Variants in FMN2 observed in about 807,000 individuals in gnomAD.
FMN2 encodes the protein formin-2.
In FMN2, 51 loss-of-function variants were observed where a neutral mutation model predicts 142.3. The ratio of observed to expected loss-of-function variants is 0.36; its 90% CI spans 0.29 to 0.45. The LOEUF (loss-of-function observed/expected upper bound fraction) is 0.45, where lower values mean the gene tolerates loss of function less well. FMN2 is among the 20% of genes least tolerant of loss of function. The pLI, the probability that FMN2 is intolerant of heterozygous loss-of-function variation, is 1.00. For missense variants in FMN2, 1,936 were observed against 2,122.8 expected (o/e 0.91, Z 1.73); for synonymous variants, 882 against 869.8 (o/e 1.01, Z -0.25).
At chr1:240,119,919 A>G (rs1485259090) in intron 1 of FMN2, among the ~76,000 whole-genome samples, 4 of 152,188 alleles carry the variant, frequency 2.6e-5, no homozygotes, top group Non-Finnish European at 5.9e-5. Context: ...GAATACAACA[A>G]TCTACTGTTA....
chr1:240,199,856 A>C (rs913750449), intron 4 of FMN2, among the ~76,000 whole-genome samples: 1 of 152,232 alleles, frequency 6.6e-6, no homozygotes, highest in Non-Finnish European at 1.5e-5. Flanking sequence ...GGTTCTGTAC[A>C]AAATTGCCAA....
At chr1:240,422,497 T>C (rs1278754496) in intron 15 of FMN2, among the ~76,000 whole-genome samples, 3 of 152,218 alleles carry the variant, frequency 2.0e-5, no homozygotes, top group African/African-American at 7.2e-5. Flanking sequence ...TAGTATTTTA[T>C]TTTTTGGTGA....
intron 8 of FMN2, among the ~76,000 whole-genome samples, chr1:240,312,176 A>G (rs1458094082): frequency 6.6e-6 from 1 of 151,972 alleles, no homozygotes. Flanking sequence ...CGTCCACTTT[A>G]CCATCTTGTA....
intron 8 of FMN2, among the ~76,000 whole-genome samples, chr1:240,318,442 GT>G (rs1363464403): frequency 1.6e-4 from 25 of 151,664 alleles, no homozygotes; most frequent in Non-Finnish European, 7.4e-5. Context: ...TCTGCTGGTG[GT>G]TCCAGGTTCT....
intron 2 of FMN2, among the ~76,000 whole-genome samples, chr1:240,168,126 T>C (rs1470624270): frequency 6.6e-6 from 1 of 152,182 alleles, no homozygotes; most frequent in Admixed American, 6.5e-5. Context: ...TTGTTTTTCT[T>C]ATCTTCCCCT....
At chr1:240,171,984 A>G (rs1463712719) in intron 2 of FMN2, among the ~76,000 whole-genome samples, 1 of 152,190 alleles carries the variant, frequency 6.6e-6, no homozygotes, top group Non-Finnish European at 1.5e-5. Context: ...AGTCATGAAA[A>G]TGCATCCCTG....
intron 2 of FMN2, among the ~76,000 whole-genome samples, chr1:240,174,223 G>T (rs1664821118): frequency 6.6e-6 from 1 of 152,222 alleles, no homozygotes; most frequent in East Asian, 1.9e-4. Flanking sequence ...TGGCTGCAAA[G>T]ATTTAAGATA....
chr1:240,286,450 C>A (rs1163972130), intron 7 of FMN2, among the ~76,000 whole-genome samples: 1 of 152,124 alleles, frequency 6.6e-6, no homozygotes, highest in Non-Finnish European at 1.5e-5. Flanking sequence ...CCTTGCTTTA[C>A]CCTCAGTTGG....
chr1:240,207,056 C>A lies in FMN2; in HGVS notation c.2244C>A (p.Pro748=), dbSNP rs750936446. The A allele has an allele frequency of 4.3e-6, 7 of 1,614,000 alleles. No individual in the cohort carries two copies. The highest frequency in any genetic ancestry group is 3.4e-6 in the Non-Finnish European group (4 of 1,180,002). ...AGGCGAAATCGATACAGACTTCCCC[C>A]ACGGAAGAGGGCGGGGTGCTGACAC... is the stretch of plus-strand genomic sequence containing the variant. The part of the protein sequence containing the change: ...ILEAKSIQTS[P]TEEGGVLTLP... The change falls in exon 5 of 18, where the codon CCC becomes CCA. Residue 748 remains proline (P), a synonymous_variant. Transcript: ENST00000319653.
intron 2 of FMN2, among the ~76,000 whole-genome samples, chr1:240,149,855 A>G (rs1376456978): frequency 2.0e-5 from 3 of 152,234 alleles, no homozygotes. Flanking sequence ...AAATTTTTGA[A>G]ATTAGAGAGT....
chr1:240,144,310 G>A (rs1275229775), intron 2 of FMN2: 2 of 1,607,532 alleles, frequency 1.2e-6, no homozygotes, highest in African/African-American at 1.3e-5. Context: ...CCCCAAACCT[G>A]TTGTTCTCTA....
chr1:240,180,124 T>G, intron 3 of FMN2: 1 of 1,236,378 alleles, frequency 8.1e-7, no homozygotes, highest in Non-Finnish European at 1.1e-6. Flanking sequence ...GCAAGTGATT[T>G]TTAATGAAAT....
intron 8 of FMN2, among the ~76,000 whole-genome samples, chr1:240,299,270 A>T (rs72766234): frequency 0.14 from 21,657 of 152,104 alleles, 1,990 homozygotes; most frequent in African/African-American, 0.25. Flanking sequence ...TTCCATATTG[A>T]ACAATATGGT....
chr1:240,313,354 C>A (rs1294040872), intron 8 of FMN2, among the ~76,000 whole-genome samples: 1 of 152,132 alleles, frequency 6.6e-6, no homozygotes, highest in Non-Finnish European at 1.5e-5. Flanking sequence ...TAACTTAAGT[C>A]ACCTAATGTC....
chr1:240,190,916 G>A (rs965202764), intron 4 of FMN2, among the ~76,000 whole-genome samples: 9 of 152,166 alleles, frequency 5.9e-5, no homozygotes, highest in African/African-American at 1.9e-4. Context: ...TTGTTATTAT[G>A]TAAAAAAAAT....
rs376334425 is a variant in FMN2, at chr1:240,402,611, G to C, written c.4910+10049G>C. ...TGTTAAGGTTGGCTTCATCCCCATTGTGTGTGTTTATGTCAGCTTCTGCTT... is the reference window on the plus strand; with the variant it reads ...TGTTAAGGTTGGCTTCATCCCCATTCTGTGTGTTTATGTCAGCTTCTGCTT... On this transcript the variant is annotated intron_variant, in intron 15 of 17. Transcript: ENST00000319653. Among the ~76,000 whole-genome samples, 33 of 152,348 alleles carry C rather than the reference G, an allele frequency of 2.2e-4. No homozygotes were observed. The East Asian group carries it at 5.6e-3, about 26-fold the overall frequency.
intron 6 of FMN2, among the ~76,000 whole-genome samples, chr1:240,255,899 G>T (rs1278128777): frequency 1.3e-5 from 2 of 152,110 alleles, no homozygotes; most frequent in African/African-American, 4.8e-5. Flanking sequence ...ATAATGCGAC[G>T]AAAATAAGAT....
chr1:240,298,653 C>T (rs1049002521), intron 8 of FMN2, among the ~76,000 whole-genome samples: 2 of 152,052 alleles, frequency 1.3e-5, no homozygotes, highest in African/African-American at 2.4e-5. Context: ...TTGTGAACTG[C>T]GTATGCACGG....
intron 7 of FMN2, among the ~76,000 whole-genome samples, chr1:240,282,338 C>T (rs1669425946): frequency 6.6e-6 from 1 of 152,126 alleles, no homozygotes; most frequent in African/African-American, 2.4e-5. Context: ...CTGGAGAAAA[C>T]CACAACTTTT....
Sources: gnomAD v4.1 joint callset for allele counts (sites outside exome capture counted in the v4.1 genomes callset) on GRCh38, gnomAD v4.1.1 for gene constraint, MANE v1.5 for transcripts, NCBI Gene and HGNC (gene_info 2026-07-23, HGNC 2026-07-21) for gene names.